Variants in PARP14 observed in about 807,000 individuals in gnomAD.
The protein encoded by PARP14 is protein mono-ADP-ribosyltransferase PARP14.
PARP14 carries 59 observed loss-of-function variants against 154.2 expected under a neutral mutation model. The observed-to-expected ratio is 0.38, with a 90% CI of 0.31 to 0.48. The LOEUF is 0.48. Ranked by LOEUF, PARP14 falls within the 20% of genes least tolerant of loss-of-function variation. PARP14 has a pLI of 0.98. For synonymous variants in PARP14, 720 were observed against 780.5 expected, an observed-to-expected ratio of 0.92 and a Z score of 1.29; for missense variants, 1,734 against 2,131.6, an observed-to-expected ratio of 0.81 and a Z score of 3.67.
chr3:122,692,217 G>GC (rs1302915329), intron 3 of PARP14, 84 bp from the exon 4 acceptor site: 1 of 1,140,310 alleles, frequency 8.8e-7, no homozygotes, highest in African/African-American at 1.5e-5. Flanking sequence ...AGGAGAGAGG[G>GC]CAGTGCCTTG....
chr3:122,713,361 G>C (rs1939383113), intron 9 of PARP14, 63 bp from the exon 10 acceptor site: 12 of 1,437,108 alleles, frequency 8.4e-6, no homozygotes, highest in Non-Finnish European at 1.2e-5. Context: ...CATGTGAGCA[G>C]GATACCCAAG....
At position 122,724,360 on chromosome 3, in the gene PARP14, G is replaced by A. The variant is rs546395832; in HGVS notation, c.4942-3452G>A. ...GTCATTCCAGCTGGAGTGCATCAGCGTGATCATAGCTTACTGCAGCTTCCA... is the reference window on the plus strand; with the variant it reads ...GTCATTCCAGCTGGAGTGCATCAGCATGATCATAGCTTACTGCAGCTTCCA... On this transcript the variant is annotated intron_variant, in intron 15 of 16. Coordinates refer to ENST00000474629, the MANE Select transcript of PARP14 (RefSeq NM_017554.3). 3.0e-4 allele frequency among the ~76,000 whole-genome samples: 46 copies of A among 151,174 alleles called. 1 individual carries two copies. The highest frequency in any genetic ancestry group is 1.8e-3 in the Admixed American group (27 of 15,206).
At chr3:122,685,145 G>A (rs913249025) in intron 1 of PARP14, 40 bp from the exon 2 acceptor site, 20 of 1,604,286 alleles carry the variant, frequency 1.2e-5, no homozygotes, top group Non-Finnish European at 1.6e-5. Flanking sequence ...AATAAAGATT[G>A]CTTGTCATTT....
At chr3:122,725,177 A>G (rs1695842651) in intron 15 of PARP14, among the ~76,000 whole-genome samples, 1 of 151,984 alleles carries the variant, frequency 6.6e-6, no homozygotes, top group Admixed American at 6.5e-5. Flanking sequence ...GCTGTTGGGT[A>G]CACCTCCCAG....
At chr3:122,711,096 T>C (rs1299805035) in intron 9 of PARP14, among the ~76,000 whole-genome samples, 1 of 152,180 alleles carries the variant, frequency 6.6e-6, no homozygotes, top group African/African-American at 2.4e-5. Flanking sequence ...TCTTGCCTGA[T>C]TGCTCTGGCA....
At position 122,700,829 on chromosome 3, in the gene PARP14, C is replaced by T. The variant is rs562632893; in HGVS notation, c.2275C>T (p.Arg759Trp). The T allele has an allele frequency of 6.8e-6, 11 of 1,613,804 alleles. No individual in the cohort carries two copies. Among genetic ancestry groups the T allele is most frequent in the African/African-American group, 2.7e-5 (2 of 75,040 alleles). ...CAAGCAGTTCTTCCAGGATAAAGCA[C>T]GGTTTTATCAAAGTGAGATCAAACG... ...GAKQFFQDKA[R>W]FYQSEIKRLF... Residue 759 changes from arginine to tryptophan, a missense_variant, in exon 6 of 17, where the codon CGG becomes TGG. By Grantham distance (101) the Arg-to-Trp change is moderately radical. Coordinates refer to ENST00000474629, the MANE Select transcript of PARP14 (RefSeq NM_017554.3).
intron 15 of PARP14, chr3:122,722,429 G>T (rs996806670): frequency 1.3e-5 from 2 of 152,212 alleles, no homozygotes; most frequent in African/African-American, 4.8e-5. Context: ...AGATTGAGCA[G>T]GAATGAATGT....
chr3:122,726,848 T>C (rs1933299713), intron 15 of PARP14, among the ~76,000 whole-genome samples: 1 of 149,612 alleles, frequency 6.7e-6, no homozygotes, highest in African/African-American at 2.5e-5. Context: ...GTAGGCATTT[T>C]GAAGATTAGA....
intron 9 of PARP14, among the ~76,000 whole-genome samples, chr3:122,712,362 C>T (rs1438041382): frequency 6.6e-6 from 1 of 151,954 alleles, no homozygotes; most frequent in Non-Finnish European, 1.5e-5. Flanking sequence ...CCTTGCTCAG[C>T]CTCCCAAATA....
rs375441568 is a variant in PARP14 at position 122,701,213 on chromosome 3, G to C, written c.2659G>C (p.Gly887Arg). Residue 887 changes from glycine to arginine, a missense_variant, in exon 6 of 17, where the codon GGA becomes CGA. Transcript: ENST00000474629. The surrounding 1 kb of genome is among the most constrained non-coding windows in gnomAD (Gnocchi z 4.0). ...CCATGCAGTGGGGCCCCGCTGGAGC[G>C]GATATGAGGCCCCGAGGTGTGTGTA... The part of the protein sequence containing the change: ...VIHAVGPRWS[G>R]YEAPRCVYLL... 5.0e-6 allele frequency: 8 copies of C among 1,613,368 alleles called. No individual in the cohort carries two copies. Among genetic ancestry groups the C allele is most frequent in the African/African-American group, 2.7e-5 (2 of 74,934 alleles).
chr3:122,692,111 A>G (rs1252535079), intron 3 of PARP14, among the ~76,000 whole-genome samples, 190 bp from the exon 4 acceptor site: 2 of 152,252 alleles, frequency 1.3e-5, no homozygotes, highest in African/African-American at 2.4e-5. Flanking sequence ...ATGAATTTTA[A>G]TAATAGGCAA....
Position 122,695,671 on chromosome 3 carries a change from T to C in PARP14, c.835+9T>C. The C allele has an allele frequency of 7.6e-7, 1 of 1,310,594 alleles. No individual in the cohort carries two copies. Among genetic ancestry groups the C allele is most frequent in the Non-Finnish European group, 1.1e-6 (1 of 912,216 alleles). 81.2% of individuals were successfully genotyped at this position (1,310,594 alleles called of 1,614,324 possible). A position where few individuals can be genotyped will look rare whatever the true frequency, so the allele number is the denominator to read the frequency against. On this transcript the variant is annotated intron_variant, in intron 5 of 16. Coordinates refer to ENST00000474629, the MANE Select transcript of PARP14 (RefSeq NM_017554.3). ...ATTTTTTGACAGAAAAGGTAATATT[T>C]ATTAACCTGTCATACCTGGCATAAT...
intron 12 of PARP14, among the ~76,000 whole-genome samples, chr3:122,717,395 G>A (rs1933027018): frequency 6.6e-6 from 1 of 152,236 alleles, no homozygotes. Flanking sequence ...TATGGAGTAT[G>A]CTGAAAACAG....
chr3:122,688,853 C>G lies in PARP14; in HGVS notation c.355+1740C>G, dbSNP rs74512490. Among the ~76,000 whole-genome samples, 1,464 of 152,258 alleles carry G rather than the reference C, an allele frequency of 9.6e-3. 24 individuals are homozygous for G. Among genetic ancestry groups the G allele is most frequent in the African/African-American group, 0.034 (1,409 of 41,528 alleles). On this transcript the variant is annotated intron_variant, in intron 3 of 16. Transcript: ENST00000474629. Reference sequence around the variant, plus strand: ...ATGAATGCACTAAGCATGCCCGAAACCTCATGCAAAAAGTTTAAAACTGAG... The same window carrying G: ...ATGAATGCACTAAGCATGCCCGAAAGCTCATGCAAAAAGTTTAAAACTGAG...
chr3:122,695,103 A>T (rs934032444), intron 4 of PARP14, among the ~76,000 whole-genome samples: 7 of 152,170 alleles, frequency 4.6e-5, no homozygotes, highest in Admixed American at 2.0e-4. Flanking sequence ...CCTGCAGGTA[A>T]TGGGGAGCCA....
rs756899043 is a variant in PARP14 at position 122,700,668 on chromosome 3, G to A, written c.2114G>A (p.Ser705Asn). The change falls in exon 6 of 17, where the codon AGT (serine) becomes AAT (asparagine). Residue 705 changes from serine (S) to asparagine (N), a missense_variant. By Grantham distance (46) the Ser-to-Asn change is conservative (BLOSUM62 1). Coordinates refer to ENST00000474629, the MANE Select transcript of PARP14 (RefSeq NM_017554.3). ...PKIKKVNVQV[S>N]FNPENKQKGI... ...ATAAAGAAGGTAAATGTGCAGGTAA[G>A]TTTCAATCCTGAGAACAAACAAAAA... 2 of 1,608,728 alleles carry A rather than the reference G, an allele frequency of 1.2e-6. No homozygotes were observed. The highest frequency in any genetic ancestry group is 2.2e-5 in the South Asian group (2 of 89,902).
Position 122,692,489 on chromosome 3 carries a change from G to A in PARP14, c.544G>A (p.Val182Met), listed in dbSNP as rs1285343324. Reference protein sequence around the residue: ...ISGLSNDDFQVEIIRDFDVAV... With the variant: ...ISGLSNDDFQMEIIRDFDVAV... ...TGGCCTGTCTAATGATGACTTTCAA[G>A]TGGAAATAATAAGAGATTTTGATGT... Residue 182 changes from valine (V) to methionine (M), a missense_variant, in exon 4 of 17, where the codon GTG (valine) becomes ATG (methionine). This residue lies in a region of PARP14 where 1,646 missense variants were observed against 1,976.0 expected (regional missense o/e 0.83). Transcript: ENST00000474629. The A allele has an allele frequency of 1.9e-6, 3 of 1,613,056 alleles. No individual in the cohort carries two copies. Among genetic ancestry groups the A allele is most frequent in the Admixed American group, 3.3e-5 (2 of 59,980 alleles).
chr3:122,724,216 G>A (rs556669887), intron 15 of PARP14, among the ~76,000 whole-genome samples: 12 of 152,258 alleles, frequency 7.9e-5, no homozygotes, highest in South Asian at 2.1e-4. Flanking sequence ...CGTGTGTTGC[G>A]TGTGTTCACT....
At chr3:122,686,299 A>G (rs985410122) in intron 2 of PARP14, among the ~76,000 whole-genome samples, 3 of 151,582 alleles carry the variant, frequency 2.0e-5, no homozygotes. Context: ...GACTGTAGGC[A>G]CATGCCACCA....
Sources: gnomAD v4.1 joint callset for allele counts (sites outside exome capture counted in the v4.1 genomes callset) on GRCh38, gnomAD v4.1.1 for gene constraint, gnomAD v4.1.1 regional missense constraint, Gnocchi (gnomAD v3.1) non-coding constraint, MANE v1.5 for transcripts, NCBI Gene and HGNC (gene_info 2026-07-23, HGNC 2026-07-21) for gene names.